The following FANCA variants were observed in gnomAD, a reference collection of about 807,000 sequenced individuals.
FANCA encodes FA complementation group A.
FANCA carries 236 observed loss-of-function variants against 194.3 expected under a neutral mutation model. The observed-to-expected ratio is 1.21, with a 90% CI of 1.09 to 1.35. FANCA has a LOEUF of 1.35. FANCA is among the 40% of genes most tolerant of loss of function. The pLI is 0.00. For missense variants in FANCA, 2,628 were observed against 1,813.9 expected (o/e 1.45, Z -8.15); for synonymous variants, 1,014 against 715.8 (o/e 1.42, Z -6.65).
chr16:89,798,440 C>G lies in FANCA; in HGVS notation c.893+726G>C, dbSNP rs910475592. On this transcript the variant is annotated intron_variant, in intron 10 of 42. Transcript: ENST00000389301. ...ATTTAATTGAGCAGTTAAACAGTTA[C>G]TGTGAGGGATGGGAAATGAGGAGCA... The G allele has an allele frequency of 2.8e-6, 3 of 1,089,104 alleles. No individual in the cohort carries two copies. In the African/African-American group the frequency reaches 4.9e-5, roughly 18 times the overall value. 67.5% of individuals were successfully genotyped at this position (1,089,104 alleles called of 1,614,324 possible).
rs573711503 is a variant in FANCA at position 89,739,737 on chromosome 16, G to T, written c.3935-184C>A. 2.0e-6 allele frequency: 3 copies of T among 1,492,828 alleles called. No homozygotes were observed. In the African/African-American group the frequency reaches 4.2e-5, roughly 21 times the overall value. The allele number at this position is 1,492,828 out of a possible 1,614,324, so 92.5% of individuals were successfully genotyped here. ...GCAGCTGGGAGAGGATGGGGGGGTC[G>T]ACCTCTTGCAGGAGGGTGGGTGTGG... On this transcript the variant is annotated intron_variant, in intron 39 of 42. Transcript: ENST00000389301.
intron 27 of FANCA, 121 bp from the exon 28 acceptor site, chr16:89,765,187 G>A (rs921004443): frequency 8.3e-7 from 1 of 1,200,842 alleles, no homozygotes; most frequent in Non-Finnish European, 1.2e-6. Context: ...ACATTCAGAG[G>A]ACCTCAGTCC....
At chr16:89,813,699 C>A (rs376472493) in intron 3 of FANCA, among the ~76,000 whole-genome samples, 1 of 152,134 alleles carries the variant, frequency 6.6e-6, no homozygotes, top group East Asian at 1.9e-4. Context: ...TCCCAAAGTG[C>A]TGCGATTATA....
At chr16:89,806,130 C>A (rs2040632696) in intron 6 of FANCA, among the ~76,000 whole-genome samples, 1 of 152,134 alleles carries the variant, frequency 6.6e-6, no homozygotes, top group Non-Finnish European at 1.5e-5. Context: ...ACAGGCTGGT[C>A]TTGAACTCCT....
At chr16:89,805,510 G>A (rs2040608339) in intron 6 of FANCA, 118 bp from the exon 7 acceptor site, 7 of 712,046 alleles carry the variant, frequency 9.8e-6, no homozygotes, top group Non-Finnish European at 1.8e-5. Context: ...CACTGAGGCT[G>A]GAGTGCAGTG....
rs1471026348 is a variant in FANCA at position 89,739,494 on chromosome 16, G to A, written c.3994C>T (p.Pro1332Ser). 3 of 1,551,116 alleles carry A rather than the reference G, an allele frequency of 1.9e-6. No individual in the cohort carries two copies. In the East Asian group the frequency reaches 7.3e-5, roughly 38 times the overall value. ...VAPDQHTRLL[P>S]FAFYSLLSYF... ...TGGAGGTACCTGTAAAAAGCGAAAGGCAGCAGCCTGGTGTGCTGATCCGGG... is the reference window on the plus strand; with the variant it reads ...TGGAGGTACCTGTAAAAAGCGAAAGACAGCAGCCTGGTGTGCTGATCCGGG... Residue 1332 changes from proline (P) to serine (S), a missense_variant, in exon 40 of 43, where the codon CCT (proline) becomes TCT (serine). Physicochemically the swap from Pro to Ser is moderately conservative, Grantham distance 74. Transcript: ENST00000389301.
rs1324556669 is a variant in FANCA at position 89,749,804 on chromosome 16, C to T, written c.3165G>A (p.Arg1055=). 3 of 1,614,088 alleles carry T rather than the reference C, an allele frequency of 1.9e-6. No individual in the cohort carries two copies. Among genetic ancestry groups the T allele is most frequent in the Non-Finnish European group, 2.5e-6 (3 of 1,180,040 alleles). The change falls in exon 32 of 43, where the codon CGG becomes CGA. Residue 1055 remains arginine (R), a synonymous_variant. Coordinates refer to ENST00000389301, the MANE Select transcript of FANCA (RefSeq NM_000135.4). ...TCCACCCGCTTGTCAGAGCCTGGAG[C>T]CGTCTGCGGAAAATCTCAAAGAGGA... is the stretch of plus-strand genomic sequence containing the variant. ...EHFLFEIFRR[R]LQALTSGWSV... is the part of the protein sequence containing the mutation.
chr16:89,771,720 C>G lies in FANCA; in HGVS notation c.2109G>C (p.Gln703His), dbSNP rs371458363. Residue 703 changes from glutamine (Q) to histidine (H), a missense_variant, in exon 23 of 43, where the codon CAG (glutamine) becomes CAC (histidine). Gln to His is a conservative substitution (Grantham distance 24, BLOSUM62 0). Coordinates refer to ENST00000389301, the MANE Select transcript of FANCA (RefSeq NM_000135.4). ...DDSSVEISKI[Q>H]LSINTPRLEP... ...CCAGTCTCGGCGTGTTGATGCTGAG[C>G]TGAATCTTTGATATCTCAACGCTGC... The G allele has an allele frequency of 7.4e-6, 12 of 1,614,028 alleles. No homozygotes were observed. The highest frequency in any genetic ancestry group is 1.3e-5 in the African/African-American group (1 of 74,908).
intron 3 of FANCA, among the ~76,000 whole-genome samples, chr16:89,812,093 T>C (rs1332043198): frequency 6.7e-6 from 1 of 149,316 alleles, no homozygotes; most frequent in Non-Finnish European, 1.5e-5. Flanking sequence ...CCCAGCACTT[T>C]GGGAGGCCGA....
chr16:89,750,131 G>A (rs929048180), intron 31 of FANCA, among the ~76,000 whole-genome samples: 1 of 152,204 alleles, frequency 6.6e-6, no homozygotes, highest in East Asian at 1.9e-4. Context: ...GGGAGGCCGA[G>A]GCAGGCAGAT....
chr16:89,771,215 T>G (rs147162242), intron 23 of FANCA, among the ~76,000 whole-genome samples: 2 of 149,972 alleles, frequency 1.3e-5, no homozygotes, highest in South Asian at 2.1e-4. Flanking sequence ...TCCCAACACT[T>G]TGGGAGGCTG....
At chr16:89,801,746 G>T (rs1233249179) in intron 8 of FANCA, among the ~76,000 whole-genome samples, 2 of 151,982 alleles carry the variant, frequency 1.3e-5, no homozygotes, top group South Asian at 4.2e-4. Flanking sequence ...AAATTAGCTG[G>T]GCATGGTGGT....
chr16:89,809,247 T>C (rs543010121), intron 5 of FANCA, among the ~76,000 whole-genome samples: 16 of 152,068 alleles, frequency 1.1e-4, no homozygotes, highest in Non-Finnish European at 2.1e-4. Flanking sequence ...AAGGCTTTCC[T>C]AACTCTCCAA....
chr16:89,782,263 G>C (rs1567628292), intron 17 of FANCA, among the ~76,000 whole-genome samples: 1 of 151,570 alleles, frequency 6.6e-6, no homozygotes. Context: ...TGTAATCCCA[G>C]CACTTTGAGA....
intron 26 of FANCA, 190 bp downstream of exon 26, chr16:89,769,647 A>C: frequency 1.5e-6 from 1 of 668,850 alleles, no homozygotes; most frequent in Non-Finnish European, 2.6e-6. Flanking sequence ...TTTATGAACA[A>C]AGAAACAAAC....
rs1165881030 is a variant in FANCA, at chr16:89,760,548, G to T, written c.2852+1401C>A. The stretch of plus-strand genomic sequence containing the variant: ...CACCAGGATACTCCATATCTGCAGT[G>T]ACCACATTCCCCTCTCCCTGACCTC... On this transcript the variant is annotated intron_variant, in intron 29 of 42. Transcript: ENST00000389301. Among the ~76,000 whole-genome samples the T allele has an allele frequency of 2.0e-5, 3 of 152,218 alleles. No individual in the cohort carries two copies. In the Middle Eastern group the frequency reaches 0.01, roughly 518 times the overall value.
rs147217309 is a variant in FANCA, at chr16:89,740,984, A to T, written c.3766-118T>A. On this transcript the variant is annotated intron_variant, in intron 37 of 42. Coordinates refer to ENST00000389301, the MANE Select transcript of FANCA (RefSeq NM_000135.4). ...TTTACATCTAGGCCATAAATCCTTT[A>T]AGTGGATCTTAGAAAACTTTCCAAT... The T allele has an allele frequency of 4.4e-3, 4,058 of 913,556 alleles. 35 individuals carry two copies. The highest frequency in any genetic ancestry group is 0.015 in the South Asian group (1,063 of 69,788). 56.6% of individuals were successfully genotyped at this position (913,556 alleles called of 1,614,324 possible).
chr16:89,782,953 A>G, intron 16 of FANCA, 35 bp from the exon 17 acceptor site: 1 of 1,613,282 alleles, frequency 6.2e-7, no homozygotes, highest in Non-Finnish European at 8.5e-7. Context: ...ACAAGAAAAC[A>G]AAGCAGTTTC....
chr16:89,749,990 G>C, intron 31 of FANCA, 88 bp from the exon 32 acceptor site: 1 of 1,380,934 alleles, frequency 7.2e-7, no homozygotes. Flanking sequence ...GTCAGGGAGA[G>C]GTCTCCACAG....
Sources: gnomAD v4.1 joint callset for allele counts (sites outside exome capture counted in the v4.1 genomes callset) on GRCh38, gnomAD v4.1.1 for gene constraint, MANE v1.5 for transcripts, NCBI Gene and HGNC (gene_info 2026-07-23, HGNC 2026-07-21) for gene names.